Variants in SLC8A3 observed in about 807,000 individuals in gnomAD.
The protein encoded by SLC8A3 is solute carrier family 8 member A3, also known as sodium/calcium exchanger 3.
A neutral mutation model predicts 65.4 loss-of-function variants in SLC8A3; 37 were observed. That is an observed-to-expected ratio of 0.57 (90% CI 0.44 to 0.74). The LOEUF (loss-of-function observed/expected upper bound fraction) is 0.74, where lower values mean the gene tolerates loss of function less well. Among genes scored for constraint, SLC8A3 ranks in the 30% least tolerant of loss-of-function variants. The probability of loss-of-function intolerance (pLI) is 0.00; values close to 1 mark genes in which losing one functional copy is unlikely to be tolerated. For missense variants in SLC8A3, 1,112 were observed against 1,172.1 expected, an observed-to-expected ratio of 0.95 and a Z score of 0.75; for synonymous variants, 461 against 444.5, an observed-to-expected ratio of 1.04 and a Z score of -0.47.
chr14:70,163,744 C>T (rs551718670), intron 2 of SLC8A3, among the ~76,000 whole-genome samples: 2 of 152,230 alleles, frequency 1.3e-5, no homozygotes, highest in African/African-American at 4.8e-5. Context: ...GCTTCAGAAC[C>T]TTTCACCTCT....
At chr14:70,129,397 G>T (rs61977449) in intron 2 of SLC8A3, among the ~76,000 whole-genome samples, 3 of 152,068 alleles carry the variant, frequency 2.0e-5, no homozygotes, top group Non-Finnish European at 2.9e-5. Flanking sequence ...TGTGAGCCAG[G>T]TGTTTGTGCT....
intron 2 of SLC8A3, among the ~76,000 whole-genome samples, chr14:70,064,759 G>C (rs1214039706): frequency 6.6e-6 from 1 of 152,130 alleles, no homozygotes; most frequent in East Asian, 1.9e-4. Context: ...CAATTATATT[G>C]CTTTTCATGT....
chr14:70,048,535 G>A, intron 6 of SLC8A3: 2 of 636,484 alleles, frequency 3.1e-6, no homozygotes, highest in Middle Eastern at 8.2e-4. Context: ...AAATGTAAAT[G>A]TGTAAATTGC....
At chr14:70,075,223 G>A (rs918900220) in intron 2 of SLC8A3, among the ~76,000 whole-genome samples, 22 of 152,080 alleles carry the variant, frequency 1.4e-4, no homozygotes, top group Admixed American at 1.3e-4. Context: ...AACCCCTTAA[G>A]CCTTTCAGGA....
intron 2 of SLC8A3, among the ~76,000 whole-genome samples, chr14:70,068,531 C>T: frequency 6.6e-6 from 1 of 152,018 alleles, no homozygotes; most frequent in East Asian, 1.9e-4. Flanking sequence ...GTGCATGCCA[C>T]CATGCCCAGC....
At position 70,168,041 on chromosome 14, in the gene SLC8A3, C is replaced by T; in HGVS notation, c.382G>A (p.Val128Ile). The T allele has an allele frequency of 1.9e-6, 3 of 1,614,134 alleles. No individual in the cohort carries two copies. Among genetic ancestry groups the T allele is most frequent in the Non-Finnish European group, 2.5e-6 (3 of 1,180,014 alleles). The change falls in exon 2 of 7, where the codon GTC becomes ATC. Residue 128 changes from valine to isoleucine, a missense_variant. Transcript: ENST00000356921. ...NGETSTTTIR[V>I]WNETVSNLTL... ...AGGTTGGAGACAGTTTCATTCCAGACCCGAATAGTGGTTGTGCTGGTTTCT... is the reference window on the plus strand; with the variant it reads ...AGGTTGGAGACAGTTTCATTCCAGATCCGAATAGTGGTTGTGCTGGTTTCT...
At chr14:70,169,695 G>GT (rs1421479662) in intron 1 of SLC8A3, among the ~76,000 whole-genome samples, 1 of 145,594 alleles carries the variant, frequency 6.9e-6, no homozygotes, top group South Asian at 2.3e-4. Context: ...AAAAAGTGGG[G>GT]GGGGGGGCGA....
chr14:70,056,293 G>T (rs573836734), intron 3 of SLC8A3, among the ~76,000 whole-genome samples: 1 of 152,280 alleles, frequency 6.6e-6, no homozygotes, highest in African/African-American at 2.4e-5. Context: ...AAGGAAATGG[G>T]TAGCATTGTG....
chr14:70,086,401 C>CTTTTTTTTTTTTTTTTT (rs10605312), intron 2 of SLC8A3, among the ~76,000 whole-genome samples: 1 of 116,146 alleles, frequency 8.6e-6, no homozygotes, highest in Non-Finnish European at 1.8e-5. Context: ...TTTCTTTTTT[C>CTTTTTTTTTTTTTTTTT]TTTTTTTTTT....
chr14:70,101,220 A>G (rs2140106772), intron 2 of SLC8A3, among the ~76,000 whole-genome samples: 1 of 152,326 alleles, frequency 6.6e-6, no homozygotes, highest in Admixed American at 6.5e-5. Context: ...TACAACTTAA[A>G]TAAGTGCTTT....
At position 70,166,995 on chromosome 14, in the gene SLC8A3, C is replaced by T. The variant is rs867875271; in HGVS notation, c.1428G>A (p.Glu476=). The change falls in exon 2 of 7, where the codon GAG becomes GAA. Residue 476 remains glutamate (E), a synonymous_variant. Transcript: ENST00000356921. ...VGIIDDDIFE[E]DEHFFVRLSN... is the part of the protein sequence containing the mutation. ...TCAACCTTACAAAGAAGTGTTCATC[C>T]TCCTCAAAAATGTCGTCATCAATTA... The T allele has an allele frequency of 1.2e-6, 2 of 1,614,070 alleles. No homozygotes were observed. The highest frequency in any genetic ancestry group is 1.7e-6 in the Non-Finnish European group (2 of 1,179,992).
intron 2 of SLC8A3, among the ~76,000 whole-genome samples, chr14:70,128,005 G>A (rs1246936447): frequency 2.6e-5 from 4 of 152,074 alleles, no homozygotes; most frequent in African/African-American, 9.7e-5. Context: ...TGTCCCATTG[G>A]TATATCCAAA....
At chr14:70,069,962 A>G (rs1421276371) in intron 2 of SLC8A3, among the ~76,000 whole-genome samples, 5 of 152,190 alleles carry the variant, frequency 3.3e-5, no homozygotes, top group East Asian at 1.9e-4. Context: ...CATGGCCAAA[A>G]GATCCCCTGG....
Position 70,046,088 on chromosome 14 carries a change from G to A in SLC8A3, c.2625C>T (p.Tyr875=). 6.2e-7 allele frequency: 1 copy of A among 1,614,176 alleles called. No individual in the cohort carries two copies. Among genetic ancestry groups the A allele is most frequent in the Non-Finnish European group, 8.5e-7 (1 of 1,180,022 alleles). Reference sequence around the variant, plus strand: ...CCCCTCCCAGGTGCGGCCGCCTTCGGTACAAGAGCACGCTGATGCAGACAA... The same window carrying A: ...CCCCTCCCAGGTGCGGCCGCCTTCGATACAAGAGCACGCTGATGCAGACAA... ...FAFVCISVLL[Y]RRRPHLGGEL... is the part of the protein sequence containing the mutation. The change falls in exon 7 of 7, where the codon TAC becomes TAT. Residue 875 remains tyrosine, a synonymous_variant. Coordinates refer to ENST00000356921, the MANE Select transcript of SLC8A3 (RefSeq NM_182932.3). The surrounding 1 kb of genome is among the most constrained non-coding windows in gnomAD (Gnocchi z 4.2).
At chr14:70,186,106 GTAACC>G (rs1413723640) in intron 1 of SLC8A3, among the ~76,000 whole-genome samples, 2 of 152,198 alleles carry the variant, frequency 1.3e-5, no homozygotes, top group Non-Finnish European at 2.9e-5. Flanking sequence ...CATGGGGGCA[GTAACC>G]CCCATGCTGC....
In SLC8A3 at chr14:70,044,939, CA is replaced by C; in HGVS notation, c.*1007del. 1 of 152,188 alleles carries C rather than the reference CA, an allele frequency of 6.6e-6. No homozygotes were observed. The highest frequency in any genetic ancestry group is 1.5e-5 in the Non-Finnish European group (1 of 68,032). The allele number at this position is 152,188 out of a possible 1,614,324, so 9.4% of individuals were successfully genotyped here. A position where few individuals can be genotyped will look rare whatever the true frequency, so the allele number is the denominator to read the frequency against. On this transcript the variant is annotated 3_prime_UTR_variant, in exon 7 of 7. Coordinates refer to ENST00000356921, the MANE Select transcript of SLC8A3 (RefSeq NM_182932.3). ...CATCTCTTCTCTCCTGCCTCAGGTA[CA>C]AAGCCAAAGATAATCAAGAAGGCCT...
chr14:70,139,918 T>C (rs1895455687), intron 2 of SLC8A3, among the ~76,000 whole-genome samples: 2 of 152,176 alleles, frequency 1.3e-5, no homozygotes, highest in East Asian at 3.8e-4. Flanking sequence ...CCCTTTCCCT[T>C]GAAATTCCCC....
rs36057761 is a variant in SLC8A3, at chr14:70,137,786, C to CTTTT, written c.1784+28849_1784+28852dup. Reference sequence around the variant, plus strand: ...TCTCTGATTTGAGAGCTGGTGGTGCCTTTTTTTTTTTTTTTTTCTAATTTG... The same window carrying CTTTT: ...TCTCTGATTTGAGAGCTGGTGGTGCCTTTTTTTTTTTTTTTTTTTTTCTAATTTG... On this transcript the variant is annotated intron_variant, in intron 2 of 6. Transcript: ENST00000356921. Among the ~76,000 whole-genome samples the CTTTT allele has an allele frequency of 1.6e-3, 217 of 132,204 alleles. 6 individuals carry two copies. Among genetic ancestry groups the CTTTT allele is most frequent in the South Asian group, 0.012 (48 of 4,066 alleles). 86.7% of individuals were successfully genotyped at this position (132,204 alleles called of 152,430 possible).
rs1005285160 is a variant in SLC8A3, at chr14:70,108,332, G to A, written c.1785-47393C>T. On this transcript the variant is annotated intron_variant, in intron 2 of 6. Coordinates refer to ENST00000356921, the MANE Select transcript of SLC8A3 (RefSeq NM_182932.3). ...GGAGAATCGCTTTAACCCGGGAGCCGGAGGTTGCAGTGAGCTGAGATTACG... is the reference window on the plus strand; with the variant it reads ...GGAGAATCGCTTTAACCCGGGAGCCAGAGGTTGCAGTGAGCTGAGATTACG... Among the ~76,000 whole-genome samples, 7 of 151,466 alleles carry A rather than the reference G, an allele frequency of 4.6e-5. No homozygotes were observed. The South Asian group carries it at 8.3e-4, about 18-fold the overall frequency.
Sources: gnomAD v4.1 joint callset for allele counts (sites outside exome capture counted in the v4.1 genomes callset) on GRCh38, gnomAD v4.1.1 for gene constraint, Gnocchi (gnomAD v3.1) non-coding constraint, MANE v1.5 for transcripts, NCBI Gene and HGNC (gene_info 2026-07-23, HGNC 2026-07-21) for gene names.